Variants in SPATA4 observed in about 807,000 individuals in gnomAD.
SPATA4 encodes spermatogenesis associated 4.
Under a neutral mutation model 31.8 loss-of-function variants are expected in SPATA4, and 35 were observed. The observed-to-expected ratio is 1.10, with a 90% CI of 0.84 to 1.46. The LOEUF is 1.46. Among genes scored for constraint, SPATA4 ranks in the 40% most tolerant of loss-of-function variants. The pLI is 0.00. For synonymous variants in SPATA4, 126 were observed against 132.4 expected, an observed-to-expected ratio of 0.95 and a Z score of 0.33; for missense variants, 394 against 363.1, an observed-to-expected ratio of 1.09 and a Z score of -0.69.
chr4:176,188,375 A>G, intron 4 of SPATA4, 140 bp from the exon 5 acceptor site: 1 of 589,712 alleles, frequency 1.7e-6, no homozygotes, highest in Non-Finnish European at 3.0e-6. Flanking sequence ...TACCTAGGTT[A>G]ATAGTCCCTC....
chr4:176,192,514 A>T, intron 4 of SPATA4, 113 bp downstream of exon 4: 2 of 785,936 alleles, frequency 2.5e-6, no homozygotes, highest in Non-Finnish European at 2.1e-6. Flanking sequence ...ATTTCCCTTT[A>T]AACCAGTTAC....
At chr4:176,187,598 C>T (rs1343074486) in intron 5 of SPATA4, among the ~76,000 whole-genome samples, 7 of 151,894 alleles carry the variant, frequency 4.6e-5, no homozygotes, top group Admixed American at 2.0e-4. Flanking sequence ...AGTGAGACTC[C>T]GTCTCCAAAA....
chr4:176,195,211 G>A (rs1370418556), intron 1 of SPATA4, 134 bp downstream of exon 1: 1 of 700,794 alleles, frequency 1.4e-6, no homozygotes, highest in South Asian at 1.7e-5. Flanking sequence ...TAGTGTTTTC[G>A]TGTGTGTACG....
chr4:176,195,372 A>G lies in SPATA4; in HGVS notation c.191T>C (p.Leu64Pro). The change falls in exon 1 of 6, where the codon CTC becomes CCC. Residue 64 changes from leucine (L) to proline (P), a missense_variant. Transcript: ENST00000280191. Reference protein sequence around the residue: ...SVLRWLQGLDLSFFPRNINRD... With the variant: ...SVLRWLQGLDPSFFPRNINRD... ...GTTGATGTTCCTGGGGAAGAAGCTG[A>G]GATCCAGACCCTGAAGCCAACGCAG... is the stretch of plus-strand genomic sequence containing the variant. The G allele has an allele frequency of 6.2e-7, 1 of 1,614,156 alleles. No homozygotes were observed. Among genetic ancestry groups the G allele is most frequent in the South Asian group, 1.1e-5 (1 of 91,086 alleles).
At chr4:176,191,214 G>C (rs1391891330) in intron 4 of SPATA4, among the ~76,000 whole-genome samples, 1 of 151,316 alleles carries the variant, frequency 6.6e-6, no homozygotes, top group Non-Finnish European at 1.5e-5. Flanking sequence ...TCCTGCTTCA[G>C]CCTCCCCAGT....
chr4:176,193,541 A>T lies in SPATA4; in HGVS notation c.260T>A (p.Ile87Lys), dbSNP rs758423268. Residue 87 changes from isoleucine (I) to lysine (K), a missense_variant, in exon 2 of 6, where the codon ATA (isoleucine) becomes AAA (lysine). Coordinates refer to ENST00000280191, the MANE Select transcript of SPATA4 (RefSeq NM_144644.4). The stretch of plus-strand genomic sequence containing the variant: ...TAATTCAAGTTCCCAGGGGTAATAT[A>T]TACAGAATATTTCTGCAATTAGGAA... ...NGFLIAEIFC[I>K]YYPWELELSS... The T allele has an allele frequency of 1.2e-5, 20 of 1,612,454 alleles. No homozygotes were observed. The highest frequency in any genetic ancestry group is 1.7e-5 in the Non-Finnish European group (20 of 1,179,718).
At chr4:176,193,209 A>G in intron 2 of SPATA4, 133 bp from the exon 3 acceptor site, 1 of 769,330 alleles carries the variant, frequency 1.3e-6, no homozygotes. Context: ...AGTTATTAAA[A>G]GATAATATTC....
At position 176,184,771 on chromosome 4, in the gene SPATA4, AG is replaced by A; in HGVS notation, c.*8del. ...CATCACTTCTTCAAAGCCATTTGAC[AG>A]GTGCTTTTCAAGGTTTCTTGTCCAT... is the stretch of plus-strand genomic sequence containing the variant. On this transcript the variant is annotated 3_prime_UTR_variant, in exon 6 of 6. Transcript: ENST00000280191. 1 of 1,554,964 alleles carries A rather than the reference AG, an allele frequency of 6.4e-7. No homozygotes were observed. Among genetic ancestry groups the A allele is most frequent in the Non-Finnish European group, 8.8e-7 (1 of 1,141,324 alleles).
intron 1 of SPATA4, 88 bp downstream of exon 1, chr4:176,195,257 G>T (rs1179983632): frequency 6.8e-6 from 9 of 1,327,398 alleles, no homozygotes; most frequent in Non-Finnish European, 9.7e-6. Context: ...CATAAGCCAG[G>T]CCAGGGTAGG....
intron 4 of SPATA4, among the ~76,000 whole-genome samples, chr4:176,191,176 A>C (rs1752521533): frequency 6.6e-6 from 1 of 151,112 alleles, no homozygotes; most frequent in South Asian, 2.1e-4. Flanking sequence ...GCTCACTGCA[A>C]CCTAAGCCTC....
chr4:176,195,553 C>A lies in SPATA4; in HGVS notation c.10G>T (p.Ala4Ser), dbSNP rs1460827046. The part of the protein sequence containing the change: MAA[A>S]GQEKGYLTQT... ...GTCAAATACCCTTTTTCCTGGCCGG[C>A]GGCAGCCATGACGCTTTCTGGGTTG... Residue 4 changes from alanine to serine, a missense_variant, in exon 1 of 6, where the codon GCC becomes TCC. Ala to Ser is a moderately conservative substitution (Grantham distance 99). Transcript: ENST00000280191. 2 of 1,613,910 alleles carry A rather than the reference C, an allele frequency of 1.2e-6. No homozygotes were observed. The highest frequency in any genetic ancestry group is 2.7e-5 in the African/African-American group (2 of 74,930).
rs1752600767 is a variant in SPATA4 at position 176,195,392 on chromosome 4, A to T, written c.171T>A (p.Arg57=). The T allele has an allele frequency of 6.2e-7, 1 of 1,614,218 alleles. No homozygotes were observed. Among genetic ancestry groups the T allele is most frequent in the African/African-American group, 1.3e-5 (1 of 75,064 alleles). The change falls in exon 1 of 6, where the codon CGT becomes CGA. Residue 57 remains arginine (R), a synonymous_variant. Transcript: ENST00000280191. ...KSSRLSRSVL[R]WLQGLDLSFF... The stretch of plus-strand genomic sequence containing the variant: ...AGCTGAGATCCAGACCCTGAAGCCA[A>T]CGCAGAACGGAACGAGACAAGCGGG...
At chr4:176,191,383 C>A (rs1011424122) in intron 4 of SPATA4, among the ~76,000 whole-genome samples, 7 of 152,086 alleles carry the variant, frequency 4.6e-5, no homozygotes, top group Non-Finnish European at 1.0e-4. Context: ...CGTGAGCCAC[C>A]GCACCCGGCC....
chr4:176,188,237 T>A lies in SPATA4; in HGVS notation c.689-2A>T, dbSNP rs752270288. On this transcript the variant is annotated splice_acceptor_variant, in intron 4 of 5. Coordinates refer to ENST00000280191, the MANE Select transcript of SPATA4 (RefSeq NM_144644.4). LOFTEE classifies it high-confidence loss of function. ...CTGTTGGTTTCACATCAAACCATTC[T>A]ATAAAATATGAACACAAAAGTTATT... The A allele has an allele frequency of 6.3e-7, 1 of 1,580,722 alleles. No individual in the cohort carries two copies. Among genetic ancestry groups the A allele is most frequent in the East Asian group, 2.2e-5 (1 of 44,510 alleles).
At chr4:176,188,796 A>C (rs1752484526) in intron 4 of SPATA4, among the ~76,000 whole-genome samples, 1 of 152,238 alleles carries the variant, frequency 6.6e-6, no homozygotes, top group African/African-American at 2.4e-5. Context: ...AAACTGAAAT[A>C]CTTGAGCAAT....
intron 5 of SPATA4, among the ~76,000 whole-genome samples, chr4:176,186,124 A>G (rs1312693267): frequency 6.6e-6 from 1 of 152,248 alleles, no homozygotes; most frequent in Non-Finnish European, 1.5e-5. Context: ...AAGATTTTCA[A>G]AAAAGATAAC....
Position 176,184,742 on chromosome 4 carries a change from G to T in SPATA4, c.*38C>A, listed in dbSNP as rs756882268. On this transcript the variant is annotated 3_prime_UTR_variant, in exon 6 of 6. Transcript: ENST00000280191. ...TGTTTCTTTATTATGGCTAGAGATG[G>T]TGGCATCACTTCTTCAAAGCCATTT... The T allele has an allele frequency of 8.9e-6, 11 of 1,232,122 alleles. No individual in the cohort carries two copies. In the South Asian group the frequency reaches 1.2e-4, roughly 14 times the overall value. The allele number at this position is 1,232,122 out of a possible 1,614,324, so 76.3% of individuals were successfully genotyped here.
intron 5 of SPATA4, among the ~76,000 whole-genome samples, chr4:176,187,353 C>T (rs527817740): frequency 6.6e-6 from 1 of 151,900 alleles, no homozygotes; most frequent in East Asian, 1.9e-4. Flanking sequence ...CCATGAAATC[C>T]TAGCAGTTTG....
rs1326639980 is a variant in SPATA4 at position 176,188,136 on chromosome 4, C to G, written c.788G>C (p.Arg263Thr). 6.2e-7 allele frequency: 1 copy of G among 1,611,732 alleles called. No homozygotes were observed. Among genetic ancestry groups the G allele is most frequent in the Non-Finnish European group, 8.5e-7 (1 of 1,178,630 alleles). The stretch of plus-strand genomic sequence containing the variant: ...AAACTTACGTAAAACAGGGACAACT[C>G]TTCCTCTTTTAACTTTTAAATTATA... ...RRYNLKVKRG[R>T]VVPVLPNIGS... The change falls in exon 5 of 6, where the codon AGA becomes ACA. Residue 263 changes from arginine to threonine, a missense_variant. Physicochemically the swap from Arg to Thr is moderately conservative, Grantham distance 71 (BLOSUM62 -1). Transcript: ENST00000280191.
Sources: gnomAD v4.1 joint callset for allele counts (sites outside exome capture counted in the v4.1 genomes callset) on GRCh38, gnomAD v4.1.1 for gene constraint, MANE v1.5 for transcripts, NCBI Gene and HGNC (gene_info 2026-07-23, HGNC 2026-07-21) for gene names.